The following SGCD variants were observed in gnomAD, a reference collection of about 807,000 sequenced individuals.
SGCD encodes sarcoglycan delta.
Under a neutral mutation model 36.6 loss-of-function variants are expected in SGCD, and 18 were observed. That is an observed-to-expected ratio of 0.49 (90% CI 0.34 to 0.73). The LOEUF is 0.73. Ranked by LOEUF, SGCD falls within the 30% of genes least tolerant of loss-of-function variation. The probability of loss-of-function intolerance (pLI) is 0.01; values close to 1 mark genes in which losing one functional copy is unlikely to be tolerated. For missense variants in SGCD, 387 were observed against 346.7 expected (o/e 1.12, Z -0.92); for synonymous variants, 133 against 130.6 (o/e 1.02, Z -0.12).
At chr5:156,606,240 A>T (rs569555799) in intron 6 of SGCD, among the ~76,000 whole-genome samples, 3 of 152,286 alleles carry the variant, frequency 2.0e-5, no homozygotes, top group South Asian at 4.2e-4. Context: ...TAAGGAAGGG[A>T]TCCAGTTTCA....
rs142944078 is a variant in SGCD at position 156,590,443 on chromosome 5, G to A, written c.382+1125G>A. Reference sequence around the variant, plus strand: ...TAATCCATAAACATGTTGTTTCAGCGTGTGACTGGATCTTCCACCTTGCTT... The same window carrying A: ...TAATCCATAAACATGTTGTTTCAGCATGTGACTGGATCTTCCACCTTGCTT... On this transcript the variant is annotated intron_variant, in intron 5 of 8. Coordinates refer to ENST00000337851, the MANE Select transcript of SGCD (RefSeq NM_000337.6). Among the ~76,000 whole-genome samples, 366 of 152,228 alleles carry A rather than the reference G, an allele frequency of 2.4e-3. 1 individual carries two copies. Among genetic ancestry groups the A allele is most frequent in the East Asian group, 5.0e-3 (26 of 5,178 alleles).
chr5:156,704,873 C>T (rs1050290163), intron 7 of SGCD, among the ~76,000 whole-genome samples: 2 of 151,566 alleles, frequency 1.3e-5, no homozygotes, highest in Admixed American at 6.6e-5. Flanking sequence ...TACTGCCATT[C>T]ACCTGGTGGT....
At chr5:156,220,832 C>A (rs1351028682) in intron 3 of SGCD, among the ~76,000 whole-genome samples, 3 of 152,108 alleles carry the variant, frequency 2.0e-5, no homozygotes, top group Non-Finnish European at 4.4e-5. Flanking sequence ...AGCTTTATTT[C>A]TTCCTTTAAC....
chr5:156,467,956 C>T (rs1180294725), intron 3 of SGCD, among the ~76,000 whole-genome samples: 3 of 152,146 alleles, frequency 2.0e-5, no homozygotes, highest in East Asian at 1.9e-4. Context: ...AGGATCATAG[C>T]CTGTAGAAGT....
intron 4 of SGCD, among the ~76,000 whole-genome samples, chr5:156,534,605 G>C (rs1758021231): frequency 6.6e-6 from 1 of 152,138 alleles, no homozygotes; most frequent in Non-Finnish European, 1.5e-5. Context: ...TTGCATCAAG[G>C]TGCTTGTGAG....
chr5:156,725,610 A>G (rs1156458522), intron 7 of SGCD, among the ~76,000 whole-genome samples: 1 of 152,122 alleles, frequency 6.6e-6, no homozygotes. Context: ...GATAAAACAA[A>G]ATAGCCACCC....
the SGCD span, among the ~76,000 whole-genome samples, chr5:155,862,989 T>A: frequency 1.3e-5 from 2 of 152,214 alleles, no homozygotes; most frequent in Admixed American, 1.3e-4. Flanking sequence ...GATACCATTT[T>A]AGGAAATGTT....
intron 3 of SGCD, among the ~76,000 whole-genome samples, chr5:156,351,915 C>A (rs565385264): frequency 6.6e-6 from 1 of 152,232 alleles, no homozygotes; most frequent in South Asian, 2.1e-4. Flanking sequence ...ACTGGATTCC[C>A]AGCCCTAACT....
chr5:155,780,487 T>C, the SGCD span, among the ~76,000 whole-genome samples: 1 of 152,210 alleles, frequency 6.6e-6, no homozygotes, highest in South Asian at 2.1e-4. Flanking sequence ...AATCCCCTGC[T>C]GCAGTATAAA....
Position 156,766,520 on chromosome 5 carries a change from C to T in SGCD, c.*7130C>T, listed in dbSNP as rs1402166369. The T allele has an allele frequency of 2.7e-5, 4 of 150,006 alleles. No homozygotes were observed. The East Asian group carries it at 7.8e-4, about 29-fold the overall frequency. 9.3% of individuals were successfully genotyped at this position (150,006 alleles called of 1,614,324 possible). The stretch of plus-strand genomic sequence containing the variant: ...CTGAGTTGGAAATAAGACTCATTTG[C>T]CAGTTCTTATTTTTAAAGTGGCACC... On this transcript the variant is annotated 3_prime_UTR_variant, in exon 9 of 9. Transcript: ENST00000337851.
intron 7 of SGCD, among the ~76,000 whole-genome samples, chr5:156,748,459 A>C (rs750506612): frequency 7.2e-5 from 11 of 152,198 alleles, no homozygotes; most frequent in Non-Finnish European, 1.6e-4. Context: ...TGACAGAAAA[A>C]TGTGTCCAAG....
At chr5:156,438,676 C>T (rs1032490269) in intron 3 of SGCD, among the ~76,000 whole-genome samples, 1 of 152,102 alleles carries the variant, frequency 6.6e-6, no homozygotes, top group Admixed American at 6.6e-5. Context: ...CAACTCTTTT[C>T]TTTTCTCCTC....
At chr5:155,735,915 G>A in the SGCD span, among the ~76,000 whole-genome samples, 13 of 152,292 alleles carry the variant, frequency 8.5e-5, no homozygotes, top group Middle Eastern at 3.4e-3. Context: ...AAGAATTAGA[G>A]ATGTATGGAT....
chr5:156,451,304 A>C (rs1754001753), intron 3 of SGCD, among the ~76,000 whole-genome samples: 1 of 152,156 alleles, frequency 6.6e-6, no homozygotes, highest in Non-Finnish European at 1.5e-5. Context: ...GGCTGGCTGA[A>C]CAGTCATACC....
chr5:155,956,415 A>G lies in SGCD; in HGVS notation c.-282+85991A>G, dbSNP rs370375880. 2.6e-4 allele frequency among the ~76,000 whole-genome samples: 39 copies of G among 152,258 alleles called. No homozygotes were observed. The South Asian group carries it at 7.0e-3, about 27-fold the overall frequency. On this transcript the variant is annotated intron_variant, in intron 1 of 9. Transcript: ENST00000517913. ...GAGAAGAAATCAAAATTACAAATGCAGGGAGATTCTTCTCTGACGGATGAT... is the reference window on the plus strand; with the variant it reads ...GAGAAGAAATCAAAATTACAAATGCGGGGAGATTCTTCTCTGACGGATGAT...
intron 3 of SGCD, among the ~76,000 whole-genome samples, chr5:156,178,551 A>G (rs780939738): frequency 8.5e-5 from 13 of 152,198 alleles, no homozygotes; most frequent in Non-Finnish European, 1.6e-4. Flanking sequence ...TGCTTTCAAT[A>G]TAATTTTATC....
chr5:156,494,326 T>A (rs113516886), intron 3 of SGCD, among the ~76,000 whole-genome samples: 3,967 of 137,532 alleles, frequency 0.029, 159 homozygotes, highest in African/African-American at 0.094. Flanking sequence ...TTTTTTTTAA[T>A]CCCCTCCTAT....
chr5:156,128,265 C>G (rs1762228362), intron 3 of SGCD, among the ~76,000 whole-genome samples: 2 of 152,162 alleles, frequency 1.3e-5, no homozygotes, highest in Admixed American at 1.3e-4. Context: ...GAAGTAACCA[C>G]AGTTCTCATA....
intron 2 of SGCD, among the ~76,000 whole-genome samples, chr5:156,335,046 C>T (rs556872350): frequency 5.8e-4 from 88 of 152,234 alleles, no homozygotes; most frequent in African/African-American, 2.0e-3. Flanking sequence ...TCCTTAGGAC[C>T]TCAGTTTCTT....
Sources: allele counts gnomAD v4.1 joint callset (sites outside exome capture counted in the v4.1 genomes callset), GRCh38; gene constraint gnomAD v4.1.1; transcripts MANE v1.5; gene names NCBI Gene and HGNC (gene_info 2026-07-23, HGNC 2026-07-21).